Variants in CRISP1 observed in about 807,000 individuals in gnomAD.
CRISP1 encodes the protein cysteine rich secretory protein 1.
In CRISP1, 44 loss-of-function variants were observed where a neutral mutation model predicts 33.1. The ratio of observed to expected loss-of-function variants is 1.33; its 90% CI spans 1.05 to 1.71. The LOEUF (loss-of-function observed/expected upper bound fraction) is 1.71. Ranked by LOEUF, CRISP1 falls within the 40% of genes most tolerant of loss-of-function variation. The pLI, the probability that CRISP1 is intolerant of heterozygous loss-of-function variation, is 0.00. For missense variants in CRISP1, 390 were observed against 301.2 expected, an observed-to-expected ratio of 1.29 and a Z score of -2.18; for synonymous variants, 103 against 98.7, an observed-to-expected ratio of 1.04 and a Z score of -0.26.
intron 7 of CRISP1, 65 bp downstream of exon 7, chr6:49,838,372 T>C (rs1770872391): frequency 8.7e-7 from 1 of 1,147,010 alleles, no homozygotes; most frequent in Non-Finnish European, 1.3e-6. Context: ...ATGCTTAATT[T>C]AAAGGATGTA....
At chr6:49,868,120 G>A (rs1441772153), upstream of CRISP1, among the ~76,000 whole-genome samples, 1 of 152,088 alleles carries the variant, frequency 6.6e-6, no homozygotes, top group Non-Finnish European at 1.5e-5. Context: ...TGTATTTATA[G>A]CACTGATGTC....
intron 1 of CRISP1, among the ~76,000 whole-genome samples, chr6:49,861,728 A>G (rs1456939290): frequency 2.0e-5 from 3 of 152,060 alleles, no homozygotes; most frequent in Non-Finnish European, 4.4e-5. Context: ...TACTAAAAAT[A>G]CAAAATATTA....
chr6:49,839,695 T>C (rs1013426765), intron 6 of CRISP1, among the ~76,000 whole-genome samples: 2 of 152,180 alleles, frequency 1.3e-5, no homozygotes, highest in Non-Finnish European at 2.9e-5. Flanking sequence ...AAATTCCCCA[T>C]CATAGATCTC....
chr6:49,856,813 T>G (rs1771509850), intron 2 of CRISP1, among the ~76,000 whole-genome samples: 1 of 152,134 alleles, frequency 6.6e-6, no homozygotes. Context: ...GTTTTGTGAC[T>G]GTTAAAGTTA....
At chr6:49,871,139 A>AC (rs397816533), upstream of CRISP1, among the ~76,000 whole-genome samples, 1 of 149,992 alleles carries the variant, frequency 6.7e-6, no homozygotes, top group Non-Finnish European at 1.5e-5. Context: ...CAAAAAAAAA[A>AC]CAAAGAAAGA....
chr6:49,836,071 C>T (rs1263535452), intron 7 of CRISP1, among the ~76,000 whole-genome samples: 3 of 152,116 alleles, frequency 2.0e-5, no homozygotes, highest in Non-Finnish European at 2.9e-5. Context: ...GGCAATAGCA[C>T]CAAAAAGCTT....
intron 1 of CRISP1, among the ~76,000 whole-genome samples, chr6:49,858,137 AC>A (rs1332589683): frequency 3.9e-5 from 6 of 152,346 alleles, no homozygotes; most frequent in African/African-American, 1.2e-4. Context: ...ACTTGCTACT[AC>A]TAATTTATGT....
At chr6:49,872,672 T>G (rs1417517674) in intron 1 of CRISP1, among the ~76,000 whole-genome samples, 2 of 152,060 alleles carry the variant, frequency 1.3e-5, no homozygotes, top group African/African-American at 2.4e-5. Context: ...TTTCCCCATT[T>G]CTTGTTTTTG....
chr6:49,869,074 C>A (rs971424150), upstream of CRISP1, among the ~76,000 whole-genome samples: 1 of 152,080 alleles, frequency 6.6e-6, no homozygotes, highest in African/African-American at 2.4e-5. Context: ...TCCCAAGGCT[C>A]AATGATTTAA....
intron 3 of CRISP1, among the ~76,000 whole-genome samples, chr6:49,848,650 T>G: frequency 6.6e-6 from 1 of 152,172 alleles, no homozygotes; most frequent in East Asian, 1.9e-4. Context: ...TCTTTGAATC[T>G]CAGTTTATCC....
intron 3 of CRISP1, 81 bp from the exon 4 acceptor site, chr6:49,848,380 G>T (rs752184258): frequency 2.7e-6 from 2 of 754,206 alleles, no homozygotes; most frequent in Non-Finnish European, 4.2e-6. Context: ...AATAATCCAC[G>T]AGATATAATA....
chr6:49,867,931 A>G (rs1367815662), upstream of CRISP1, among the ~76,000 whole-genome samples: 1 of 152,134 alleles, frequency 6.6e-6, no homozygotes, highest in Admixed American at 6.6e-5. Context: ...ACTTCACCAA[A>G]CCAGCATGGT....
At chr6:49,868,445 T>G (rs1771849145), upstream of CRISP1, among the ~76,000 whole-genome samples, 1 of 152,210 alleles carries the variant, frequency 6.6e-6, no homozygotes, top group South Asian at 2.1e-4. Context: ...AAGGCTAATG[T>G]GTTTACAATC....
At chr6:49,837,428 A>C (rs1770835908) in intron 7 of CRISP1, among the ~76,000 whole-genome samples, 1 of 150,770 alleles carries the variant, frequency 6.6e-6, no homozygotes, top group African/African-American at 2.4e-5. Flanking sequence ...GCTAAGGCAT[A>C]GGTAACTGGT....
intron 1 of CRISP1, among the ~76,000 whole-genome samples, chr6:49,873,244 C>A (rs1167652091): frequency 6.6e-6 from 1 of 151,866 alleles, no homozygotes; most frequent in Non-Finnish European, 1.5e-5. Context: ...GGATATAACA[C>A]AACTTTCCTT....
At chr6:49,846,267 A>G (rs946325646) in intron 5 of CRISP1, among the ~76,000 whole-genome samples, 1 of 152,122 alleles carries the variant, frequency 6.6e-6, no homozygotes, top group Non-Finnish European at 1.5e-5. Context: ...ATCAAATGAG[A>G]TTGATGTCTT....
chr6:49,862,816 C>CAA lies in CRISP1; in HGVS notation c.-3+3611_-3+3612dup, dbSNP rs3839535. 3.6e-3 allele frequency among the ~76,000 whole-genome samples: 495 copies of CAA among 137,128 alleles called. 5 individuals carry two copies. The highest frequency in any genetic ancestry group is 0.019 in the Middle Eastern group (5 of 260). The allele number at this position is 137,128 out of a possible 152,430, so 90.0% of individuals were successfully genotyped here. On this transcript the variant is annotated intron_variant, in intron 1 of 7. Transcript: ENST00000335847. ...ACACCTTCTCAGAGAAAAGAAGCTA[C>CAA]AAAAAAAAAAACAAAACAAAACTGG...
At chr6:49,863,390 AG>A (rs1771706367) in intron 1 of CRISP1, among the ~76,000 whole-genome samples, 3 of 152,190 alleles carry the variant, frequency 2.0e-5, no homozygotes, top group Non-Finnish European at 4.4e-5. Flanking sequence ...GCTTGAACTT[AG>A]GTAAAGGTAG....
intron 1 of CRISP1, among the ~76,000 whole-genome samples, chr6:49,873,929 C>T (rs1312777617): frequency 1.3e-5 from 2 of 152,026 alleles, no homozygotes; most frequent in Non-Finnish European, 2.9e-5. Flanking sequence ...AAGTAGATAT[C>T]TGTGTATGAC....
Sources: allele counts gnomAD v4.1 joint callset (sites outside exome capture counted in the v4.1 genomes callset), GRCh38; gene constraint gnomAD v4.1.1; transcripts MANE v1.5; gene names NCBI Gene and HGNC (gene_info 2026-07-23, HGNC 2026-07-21).